RRAGB: variants seen among roughly 807,000 people sequenced by gnomAD.
RRAGB encodes ras-related GTP-binding protein B.
In RRAGB, 6 loss-of-function variants were observed where a neutral mutation model predicts 29.3. That is an observed-to-expected ratio of 0.21 (90% CI 0.11 to 0.40). RRAGB has a LOEUF of 0.40. Among genes scored for constraint, RRAGB ranks in the 10% least tolerant of loss-of-function variants. RRAGB has a pLI of 1.00. For missense variants in RRAGB, 184 were observed against 272.9 expected (o/e 0.67, Z 2.29); for synonymous variants, 101 against 92.5 (o/e 1.09, Z -0.53).
At chrX:55,719,404 A>G in intron 2 of RRAGB, 57 bp downstream of exon 2, 1 of 951,451 alleles carries the variant, frequency 1.1e-6, no homozygotes, top group South Asian at 2.5e-5. Flanking sequence ...GTTGATATTC[A>G]GGAACTTTGT....
intron 5 of RRAGB, among the ~76,000 whole-genome samples, chrX:55,744,983 G>A (rs1349099684): frequency 1.8e-5 from 2 of 111,602 alleles, no homozygotes; most frequent in African/African-American, 3.3e-5. Context: ...CTTCTTTCTG[G>A]GTTGTAGGAG....
chrX:55,734,238 C>T (rs1416293118), intron 5 of RRAGB, among the ~76,000 whole-genome samples: 1 of 109,114 alleles, frequency 9.2e-6, no homozygotes, highest in Admixed American at 9.7e-5. Context: ...GCTGGGATTA[C>T]AGGCTTGAGC....
In RRAGB at chrX:55,719,300, G is replaced by T. The variant is rs1411078528; in HGVS notation, c.93-14G>T. 5.1e-6 allele frequency: 6 copies of T among 1,181,869 alleles called. No individual in the cohort carries two copies. The highest frequency in any genetic ancestry group is 5.7e-6 in the Non-Finnish European group (5 of 879,005). On this transcript the variant is annotated splice_polypyrimidine_tract_variant and intron_variant, in intron 1 of 9. Transcript: ENST00000374941. Reference sequence around the variant, plus strand: ...ATTGGATCATGGAAACTGTTTTTTGGTTTATATCTGCAGGTGGGTGCTACC... The same window carrying T: ...ATTGGATCATGGAAACTGTTTTTTGTTTTATATCTGCAGGTGGGTGCTACC...
At chrX:55,721,077 G>T (rs1309725042) in intron 2 of RRAGB, among the ~76,000 whole-genome samples, 1 of 111,188 alleles carries the variant, frequency 9.0e-6, no homozygotes, top group Non-Finnish European at 1.9e-5. Flanking sequence ...CCTTCATGAG[G>T]CTACCTTTTC....
chrX:55,753,596 T>C, intron 7 of RRAGB, 82 bp downstream of exon 7: 1 of 949,825 alleles, frequency 1.1e-6, no homozygotes, highest in African/African-American at 1.9e-5. Flanking sequence ...GTCACTACTT[T>C]CAGGAAGAAC....
At chrX:55,747,752 A>G (rs770775118) in intron 5 of RRAGB, among the ~76,000 whole-genome samples, 1 of 111,071 alleles carries the variant, frequency 9.0e-6, no homozygotes, top group Non-Finnish European at 1.9e-5. Context: ...TTTAAATCTA[A>G]TCAGATTAGA....
chrX:55,752,676 T>C (rs1187339257), intron 6 of RRAGB, among the ~76,000 whole-genome samples: 1 of 110,277 alleles, frequency 9.1e-6, no homozygotes, highest in Non-Finnish European at 1.9e-5. Flanking sequence ...CAAATTGGAG[T>C]GAGAGTGAAG....
intron 9 of RRAGB, among the ~76,000 whole-genome samples, chrX:55,757,587 A>G (rs1006123385): frequency 8.9e-6 from 1 of 112,382 alleles, no homozygotes; most frequent in Non-Finnish European, 1.9e-5. Flanking sequence ...TAATAGACTT[A>G]TATTTTAAAG....
intron 3 of RRAGB, among the ~76,000 whole-genome samples, chrX:55,726,390 G>GT (rs756161528): frequency 5.9e-4 from 65 of 111,097 alleles, no homozygotes; most frequent in African/African-American, 1.8e-3. Flanking sequence ...GAGAGACATG[G>GT]TTTTTTTCTG....
chrX:55,735,584 T>G (rs1434085334), intron 5 of RRAGB, among the ~76,000 whole-genome samples: 2 of 112,139 alleles, frequency 1.8e-5, no homozygotes, highest in Admixed American at 9.4e-5. Context: ...TATTATCTTT[T>G]AAGTGGCACA....
intron 5 of RRAGB, among the ~76,000 whole-genome samples, chrX:55,731,935 G>A (rs145809809): frequency 1.6e-3 from 182 of 112,187 alleles, no homozygotes; most frequent in South Asian, 6.4e-3. Flanking sequence ...GATGAAGAGA[G>A]GTTGCTGCTT....
Position 55,739,338 on chromosome X carries a change from G to A in RRAGB, c.516+7752G>A, listed in dbSNP as rs778019853. Among the ~76,000 whole-genome samples the A allele has an allele frequency of 7.1e-5, 8 of 112,577 alleles. No individual in the cohort carries two copies. The South Asian group carries it at 1.9e-3, about 26-fold the overall frequency. On this transcript the variant is annotated intron_variant, in intron 5 of 9. Transcript: ENST00000374941. ...TTGTCCTCACTCGAGAGATTAGACT[G>A]CAGATCTCAGTTGGGAGCTTCTCCC...
intron 6 of RRAGB, chrX:55,752,295 G>A (rs1230577876): frequency 4.0e-6 from 3 of 750,867 alleles, no homozygotes; most frequent in Non-Finnish European, 3.1e-6. Flanking sequence ...ACCAACTGCG[G>A]TGTGAAGGAT....
intron 4 of RRAGB, among the ~76,000 whole-genome samples, chrX:55,729,791 C>T (rs2147082451): frequency 8.9e-6 from 1 of 112,350 alleles, no homozygotes; most frequent in South Asian, 3.7e-4. Flanking sequence ...AAGTTACCTA[C>T]TTTTTGGAAG....
chrX:55,750,347 A>G (rs4826287), intron 5 of RRAGB, among the ~76,000 whole-genome samples: 55,634 of 108,938 alleles, frequency 0.51, 12,854 homozygotes, highest in East Asian at 0.74. Context: ...GGAAGAGTTA[A>G]TGTGGAGTTA....
chrX:55,744,248 G>A, intron 5 of RRAGB, among the ~76,000 whole-genome samples: 1 of 108,021 alleles, frequency 9.3e-6, no homozygotes, highest in Middle Eastern at 4.7e-3. Context: ...AATTAGTCAG[G>A]CGTGGTGGTG....
At chrX:55,738,668 G>T (rs1346999906) in intron 5 of RRAGB, among the ~76,000 whole-genome samples, 1 of 112,254 alleles carries the variant, frequency 8.9e-6, no homozygotes, top group Non-Finnish European at 1.9e-5. Flanking sequence ...AGCAGATGTT[G>T]TAATGGGCTG....
In RRAGB at chrX:55,732,996, G is replaced by A. The variant is rs187576358; in HGVS notation, c.516+1410G>A. ...TATTTTATTATTTCAGTAACTTTAT[G>A]GTTATATGTGGTTTTTGATTACATG... On this transcript the variant is annotated intron_variant, in intron 5 of 9. Transcript: ENST00000374941. Among the ~76,000 whole-genome samples, 9 of 110,545 alleles carry A rather than the reference G, an allele frequency of 8.1e-5. No homozygotes were observed. In the Admixed American group the frequency reaches 8.6e-4, roughly 11 times the overall value.
intron 5 of RRAGB, among the ~76,000 whole-genome samples, chrX:55,748,794 GC>G (rs1474284324): frequency 1.9e-5 from 2 of 107,528 alleles, no homozygotes; most frequent in Non-Finnish European, 2.0e-5. Flanking sequence ...GGGGGGGTCA[GC>G]CCCCCGCCTG....
Sources: allele counts gnomAD v4.1 joint callset (sites outside exome capture counted in the v4.1 genomes callset), GRCh38; gene constraint gnomAD v4.1.1; transcripts MANE v1.5; gene names NCBI Gene and HGNC (gene_info 2026-07-23, HGNC 2026-07-21).